The following MSL2 variants were observed in gnomAD, a reference collection of about 807,000 sequenced individuals.
MSL2 encodes the protein E3 ubiquitin-protein ligase MSL2.
MSL2 carries 2 observed loss-of-function variants against 35.8 expected under a neutral mutation model. That is an observed-to-expected ratio of 0.06 (90% CI 0.02 to 0.18). MSL2 has a LOEUF of 0.18. Among genes scored for constraint, MSL2 ranks in the 10% least tolerant of loss-of-function variants. The probability of loss-of-function intolerance (pLI) is 1.00; values close to 1 mark genes in which losing one functional copy is unlikely to be tolerated. For synonymous variants in MSL2, 296 were observed against 255.7 expected (o/e 1.16, Z -1.50); for missense variants, 523 against 706.7 (o/e 0.74, Z 2.95).
At position 136,178,470 on chromosome 3, in the gene MSL2, T is replaced by C. The variant is rs141992758; in HGVS notation, c.142+16502A>G. On this transcript the variant is annotated intron_variant, in intron 1 of 1. Transcript: ENST00000309993. ...GTCATCCCAAAATACATTAGCATCT[T>C]AAAACTGAATATTCTATAGGTGTCA... 6.2e-3 allele frequency among the ~76,000 whole-genome samples: 938 copies of C among 151,874 alleles called. 13 individuals carry two copies. The highest frequency in any genetic ancestry group is 0.022 in the African/African-American group (891 of 41,374).
At chr3:136,191,229 A>G (rs138394434) in intron 1 of MSL2, among the ~76,000 whole-genome samples, 1,529 of 152,114 alleles carry the variant, frequency 0.01, 29 homozygotes, top group African/African-American at 0.033. Context: ...AGCACTTTGG[A>G]AGGCCAAGGC....
intron 1 of MSL2, among the ~76,000 whole-genome samples, chr3:136,176,218 A>C (rs531625729): frequency 1.3e-5 from 2 of 152,260 alleles, no homozygotes; most frequent in South Asian, 4.1e-4. Context: ...TTCTTTTAAA[A>C]CTTTTCAGTG....
At chr3:136,180,792 G>A (rs868702312) in intron 1 of MSL2, among the ~76,000 whole-genome samples, 4,575 of 37,572 alleles carry the variant, frequency 0.12, 233 homozygotes, top group Non-Finnish European at 0.18. Context: ...GAGGGAGGGA[G>A]GGAGGGAGGG....
Position 136,150,391 on chromosome 3 carries a change from A to G in MSL2, c.*756T>C, listed in dbSNP as rs1939321878. ...TTTTAAAAAAATTCTGTCACATACT[A>G]CATAGTCTAAATTTAATTACCTTCA... On this transcript the variant is annotated 3_prime_UTR_variant, in exon 2 of 2. Coordinates refer to ENST00000309993, the MANE Select transcript of MSL2 (RefSeq NM_018133.4). 6.6e-6 allele frequency: 1 copy of G among 152,636 alleles called. No homozygotes were observed. The highest frequency in any genetic ancestry group is 1.5e-5 in the Non-Finnish European group (1 of 68,036). The allele number at this position is 152,636 out of a possible 1,614,324, so 9.5% of individuals were successfully genotyped here.
intron 1 of MSL2, among the ~76,000 whole-genome samples, chr3:136,180,154 C>A (rs1309572937): frequency 6.6e-6 from 1 of 152,164 alleles, no homozygotes; most frequent in Non-Finnish European, 1.5e-5. Flanking sequence ...GCATACATTA[C>A]ACAGGGGCAA....
At chr3:136,158,760 T>C (rs944782242) in intron 1 of MSL2, among the ~76,000 whole-genome samples, 5 of 152,216 alleles carry the variant, frequency 3.3e-5, no homozygotes, top group African/African-American at 1.2e-4. Context: ...TAAGCAAATT[T>C]AGCAAGGTCA....
At chr3:136,179,944 T>C (rs952768978) in intron 1 of MSL2, among the ~76,000 whole-genome samples, 3 of 152,038 alleles carry the variant, frequency 2.0e-5, no homozygotes, top group Admixed American at 6.6e-5. Context: ...CGGGGGCCTG[T>C]AGTCCCAGCT....
At chr3:136,189,146 A>AC (rs1338776824) in intron 1 of MSL2, among the ~76,000 whole-genome samples, 151 of 142,524 alleles carry the variant, frequency 1.1e-3, no homozygotes, top group African/African-American at 4.0e-3. Context: ...ACACACACAC[A>AC]AAAATAAGGC....
chr3:136,177,211 C>T (rs566394185), intron 1 of MSL2, among the ~76,000 whole-genome samples: 1 of 152,310 alleles, frequency 6.6e-6, no homozygotes, highest in South Asian at 2.1e-4. Context: ...AGCAACTATG[C>T]CCAAATCAGC....
chr3:136,164,955 C>T (rs971096305), intron 1 of MSL2, among the ~76,000 whole-genome samples: 5 of 151,894 alleles, frequency 3.3e-5, no homozygotes, highest in Non-Finnish European at 5.9e-5. Context: ...CTCACCGCAA[C>T]CTCCATCTCC....
In MSL2 at chr3:136,157,523, T is replaced by A. The variant is rs568723006; in HGVS notation, c.143-4785A>T. Among the ~76,000 whole-genome samples, 9 of 151,338 alleles carry A rather than the reference T, an allele frequency of 5.9e-5. No individual in the cohort carries two copies. In the South Asian group the frequency reaches 1.5e-3, roughly 25 times the overall value. On this transcript the variant is annotated intron_variant, in intron 1 of 1. Transcript: ENST00000309993. ...ACTCAAAAAAACGAAAATAAATAAA[T>A]GAATACAGATTAGGGCAGAAACCAA...
At chr3:136,159,449 C>T (rs1425710062) in intron 1 of MSL2, among the ~76,000 whole-genome samples, 1 of 147,482 alleles carries the variant, frequency 6.8e-6, no homozygotes, top group African/African-American at 2.5e-5. Context: ...CTGCAAGCTC[C>T]GCCTCTCGGG....
intron 1 of MSL2, chr3:136,194,454 C>A (rs60414862): frequency 1.0e-6 from 1 of 985,396 alleles, no homozygotes; most frequent in Non-Finnish European, 1.2e-6. Context: ...ACCGTCAAAC[C>A]GTCAAAGCAT....
In MSL2 at chr3:136,152,297, G is replaced by A. The variant is rs1270109232; in HGVS notation, c.584C>T (p.Pro195Leu). 6.2e-7 allele frequency: 1 copy of A among 1,613,998 alleles called. No individual in the cohort carries two copies. Reference protein sequence around the residue: ...AIGSSVINGLPTYNGLSIDRF... With the variant: ...AIGSSVINGLLTYNGLSIDRF... ...ATCTATTGAAAGCCCATTATAAGTA[G>A]GCAAACCATTGATAACAGAACTGCC... Residue 195 changes from proline (P) to leucine (L), a missense_variant, in exon 2 of 2, where the codon CCT becomes CTT. By Grantham distance (98) the Pro-to-Leu change is moderately conservative. Transcript: ENST00000309993.
In MSL2 at chr3:136,169,231, CGGGGGGGGGGGGGG is replaced by C. The variant is rs869059543; in HGVS notation, c.143-16507_143-16494del. Among the ~76,000 whole-genome samples, 10 of 11,120 alleles carry C rather than the reference CGGGGGGGGGGGGGG, an allele frequency of 9.0e-4. 1 individual carries two copies. Among genetic ancestry groups the C allele is most frequent in the African/African-American group, 3.0e-3 (9 of 3,050 alleles). 7.3% of individuals were successfully genotyped at this position (11,120 alleles called of 152,430 possible). On this transcript the variant is annotated intron_variant, in intron 1 of 1. Coordinates refer to ENST00000309993, the MANE Select transcript of MSL2 (RefSeq NM_018133.4). Reference sequence around the variant, plus strand: ...CTTGTTTTTGTTGTTGTTGTTTTGGCGGGGGGGGGGGGGGGGGGGGGTGCTTATTTTTTAAATGG... The same window carrying C: ...CTTGTTTTTGTTGTTGTTGTTTTGGCGGGGGGGTGCTTATTTTTTAAATGG...
chr3:136,167,470 T>C (rs1274495391), intron 1 of MSL2, among the ~76,000 whole-genome samples: 4 of 152,196 alleles, frequency 2.6e-5, no homozygotes, highest in Non-Finnish European at 5.9e-5. Flanking sequence ...AAACATTCTG[T>C]ATTTACCACC....
At chr3:136,159,797 G>A (rs942436869) in intron 1 of MSL2, among the ~76,000 whole-genome samples, 1 of 151,920 alleles carries the variant, frequency 6.6e-6, no homozygotes. Context: ...CTAAATGTAA[G>A]AGCTAAAATA....
chr3:136,184,539 G>A (rs1940458286), intron 1 of MSL2, among the ~76,000 whole-genome samples: 1 of 151,852 alleles, frequency 6.6e-6, no homozygotes, highest in African/African-American at 2.4e-5. Context: ...GGAGGCGGAG[G>A]TTGCAGCGAG....
rs1405369589 is a variant in MSL2 at position 136,151,202 on chromosome 3, C to T, written c.1679G>A (p.Ser560Asn). 3 of 1,614,190 alleles carry T rather than the reference C, an allele frequency of 1.9e-6. No individual in the cohort carries two copies. Among genetic ancestry groups the T allele is most frequent in the Non-Finnish European group, 2.5e-6 (3 of 1,180,014 alleles). ...GSPVTTFLAA[S>N]THDDKSLDEA... The stretch of plus-strand genomic sequence containing the variant: ...ATCCAAACTTTTATCATCATGTGTA[C>T]TGGCAGCTAAAAACGTCGTTACTGG... Residue 560 changes from serine (S) to asparagine (N), a missense_variant, in exon 2 of 2, where the codon AGT becomes AAT. By Grantham distance (46) the Ser-to-Asn change is conservative (BLOSUM62 1). Around this residue, in one of 5 missense-constraint regions of MSL2, gnomAD observed 60 missense variants for 75.1 expected, o/e 0.80. Coordinates refer to ENST00000309993, the MANE Select transcript of MSL2 (RefSeq NM_018133.4). The surrounding 1 kb of genome is among the most constrained non-coding windows in gnomAD (Gnocchi z 5.2).
Sources: allele counts gnomAD v4.1 joint callset (sites outside exome capture counted in the v4.1 genomes callset), GRCh38; gene constraint gnomAD v4.1.1; regional missense constraint gnomAD v4.1.1; non-coding constraint Gnocchi (gnomAD v3.1); transcripts MANE v1.5; gene names NCBI Gene and HGNC (gene_info 2026-07-23, HGNC 2026-07-21).